The following PDE1C variants were observed in gnomAD, a reference collection of about 807,000 sequenced individuals.
PDE1C encodes the protein phosphodiesterase 1C.
In PDE1C, 62 loss-of-function variants were observed where a neutral mutation model predicts 93.1. That is an observed-to-expected ratio of 0.67 (90% CI 0.54 to 0.82). The LOEUF is 0.82. Ranked by LOEUF, PDE1C falls within the 40% of genes least tolerant of loss-of-function variation. The probability of loss-of-function intolerance (pLI) is 0.00; values close to 1 mark genes in which losing one functional copy is unlikely to be tolerated. For missense variants in PDE1C, 742 were observed against 884.6 expected, an observed-to-expected ratio of 0.84 and a Z score of 2.04; for synonymous variants, 325 against 310.1, an observed-to-expected ratio of 1.05 and a Z score of -0.50.
At chr7:31,696,817 C>T in the PDE1C span, 4 of 851,740 alleles carry the variant, frequency 4.7e-6, no homozygotes, top group African/African-American at 1.7e-5. Flanking sequence ...AATACTAATG[C>T]TTCTTATGAA....
At chr7:31,701,199 T>G in the PDE1C span, among the ~76,000 whole-genome samples, 1 of 152,230 alleles carries the variant, frequency 6.6e-6, no homozygotes, top group Non-Finnish European at 1.5e-5. Context: ...TAAGAACATT[T>G]GTGACTCAAG....
At chr7:32,327,277 A>G (rs7790589) in intron 1 of PDE1C, among the ~76,000 whole-genome samples, 4,871 of 152,296 alleles carry the variant, frequency 0.032, 145 homozygotes, top group African/African-American at 0.079. Context: ...ATGTGCATAG[A>G]GAAAAGTCCC....
At chr7:31,877,313 G>T (rs537741419) in intron 5 of PDE1C, among the ~76,000 whole-genome samples, 1 of 152,224 alleles carries the variant, frequency 6.6e-6, no homozygotes, top group Admixed American at 6.5e-5. Context: ...CCAAGAACTT[G>T]CCTGACTAGA....
chr7:31,855,778 G>T (rs775900756), intron 7 of PDE1C, among the ~76,000 whole-genome samples: 1 of 140,006 alleles, frequency 7.1e-6, no homozygotes, highest in Non-Finnish European at 1.6e-5. Context: ...AAGATATGCA[G>T]CTTCTCCTTT....
intron 3 of PDE1C, among the ~76,000 whole-genome samples, chr7:32,138,100 C>T (rs781615335): frequency 1.3e-4 from 20 of 152,088 alleles, no homozygotes; most frequent in Non-Finnish European, 2.4e-4. Context: ...AGAATGGCAG[C>T]CAGGGATAAT....
chr7:31,927,823 AGAT>A (rs1340115395), intron 2 of PDE1C, among the ~76,000 whole-genome samples: 4 of 152,204 alleles, frequency 2.6e-5, no homozygotes, highest in African/African-American at 9.6e-5. Context: ...AAATCCACGA[AGAT>A]GAGGAAAAAC....
chr7:31,991,970 C>T (rs1019587291), intron 2 of PDE1C, among the ~76,000 whole-genome samples: 3 of 152,152 alleles, frequency 2.0e-5, no homozygotes, highest in Non-Finnish European at 2.9e-5. Flanking sequence ...AATATGTTAG[C>T]GGGTTCCTAT....
chr7:31,954,068 T>G (rs1807782141), intron 2 of PDE1C, among the ~76,000 whole-genome samples: 1 of 152,216 alleles, frequency 6.6e-6, no homozygotes, highest in South Asian at 2.1e-4. Context: ...AAAAAGATCC[T>G]ATTTGTGTAG....
chr7:32,045,385 T>C (rs1352365045), intron 2 of PDE1C, among the ~76,000 whole-genome samples: 1 of 152,074 alleles, frequency 6.6e-6, no homozygotes, highest in African/African-American at 2.4e-5. Context: ...GAATGTAAAC[T>C]GGACACATTC....
intron 1 of PDE1C, among the ~76,000 whole-genome samples, chr7:32,053,748 A>G (rs1386448689): frequency 1.3e-5 from 2 of 152,132 alleles, no homozygotes; most frequent in Non-Finnish European, 1.5e-5. Flanking sequence ...GATGAACAAA[A>G]ATAAGAAAAG....
At chr7:31,632,015 G>A in the PDE1C span, among the ~76,000 whole-genome samples, 1 of 152,104 alleles carries the variant, frequency 6.6e-6, no homozygotes, top group Non-Finnish European at 1.5e-5. Context: ...TAGGAATGAA[G>A]GCTTCCAGTA....
At chr7:32,277,310 A>G (rs1049925356) in intron 1 of PDE1C, among the ~76,000 whole-genome samples, 1 of 152,218 alleles carries the variant, frequency 6.6e-6, no homozygotes, top group East Asian at 1.9e-4. Context: ...GCAACATATG[A>G]CACTACTCAT....
intron 2 of PDE1C, chr7:32,169,961 G>A: frequency 6.2e-7 from 1 of 1,609,892 alleles, no homozygotes; most frequent in African/African-American, 1.3e-5. Context: ...TAGACCCTGA[G>A]GCATGGGGAA....
intron 3 of PDE1C, among the ~76,000 whole-genome samples, chr7:32,156,764 A>T (rs1801600679): frequency 6.6e-6 from 1 of 152,210 alleles, no homozygotes; most frequent in African/African-American, 2.4e-5. Context: ...AATACCATTG[A>T]TTCAGCCAAG....
chr7:32,260,749 A>G (rs1432046796), intron 1 of PDE1C, among the ~76,000 whole-genome samples: 3 of 151,828 alleles, frequency 2.0e-5, no homozygotes, highest in Non-Finnish European at 2.9e-5. Context: ...AACAAAATTT[A>G]TAACAGCCCT....
At chr7:31,997,925 G>A (rs1422505869) in intron 2 of PDE1C, among the ~76,000 whole-genome samples, 1 of 152,180 alleles carries the variant, frequency 6.6e-6, no homozygotes, top group Non-Finnish European at 1.5e-5. Flanking sequence ...GAGAATAAAT[G>A]TCCCTTACTT....
intron 1 of PDE1C, among the ~76,000 whole-genome samples, chr7:32,269,162 C>T (rs1036212565): frequency 1.3e-5 from 2 of 152,272 alleles, no homozygotes; most frequent in Admixed American, 6.5e-5. Context: ...CTCAATGTTG[C>T]TCAATGAAGA....
At position 32,151,390 on chromosome 7, in the gene PDE1C, T is replaced by C. The variant is rs576321276; in HGVS notation, c.308+18395A>G. ...ATTGTCTCTTACAGTTCCTGAGAGT[T>C]AATTGTGTGCATCTCTTCCCAACTC... On this transcript the variant is annotated intron_variant, in intron 3 of 18. Transcript: ENST00000396193. Among the ~76,000 whole-genome samples, 7 of 152,330 alleles carry C rather than the reference T, an allele frequency of 4.6e-5. No individual in the cohort carries two copies. The South Asian group carries it at 1.4e-3, about 32-fold the overall frequency.
chr7:31,934,011 C>A (rs1471271791), intron 2 of PDE1C, among the ~76,000 whole-genome samples: 1 of 152,162 alleles, frequency 6.6e-6, no homozygotes, highest in Admixed American at 6.5e-5. Flanking sequence ...TTTTTCAAGG[C>A]ATTTGAACAT....
Sources: gnomAD v4.1 joint callset for allele counts (sites outside exome capture counted in the v4.1 genomes callset) on GRCh38, gnomAD v4.1.1 for gene constraint, MANE v1.5 for transcripts, NCBI Gene and HGNC (gene_info 2026-07-23, HGNC 2026-07-21) for gene names.